Variants in HPCAL1 observed in about 807,000 individuals in gnomAD.
HPCAL1 encodes hippocalcin-like protein 1.
HPCAL1 carries 8 observed loss-of-function variants against 17.1 expected under a neutral mutation model. The observed-to-expected ratio is 0.47, with a 90% CI of 0.27 to 0.84. The LOEUF is 0.84. Ranked by LOEUF, HPCAL1 falls within the 40% of genes least tolerant of loss-of-function variation. HPCAL1 has a pLI of 0.13. For missense variants in HPCAL1, 165 were observed against 271.1 expected (o/e 0.61, Z 2.75); for synonymous variants, 112 against 111.4 (o/e 1.01, Z -0.03).
intron 1 of HPCAL1, among the ~76,000 whole-genome samples, chr2:10,368,043 GTTCCAAAGCT>G (rs1034296827): frequency 2.0e-5 from 3 of 151,968 alleles, no homozygotes; most frequent in Admixed American, 2.0e-4. Flanking sequence ...GGTGACCTCA[GTTCCAAAGCT>G]TTCCATGTGT....
chr2:10,421,371 C>T (rs1671053612), intron 3 of HPCAL1, among the ~76,000 whole-genome samples: 1 of 152,168 alleles, frequency 6.6e-6, no homozygotes, highest in African/African-American at 2.4e-5. Context: ...GCAGAGCTGC[C>T]CCTCCCTGGC....
chr2:10,327,459 A>G lies in HPCAL1; in HGVS notation c.-111+24282A>G, dbSNP rs574059003. Among the ~76,000 whole-genome samples, 10 of 152,320 alleles carry G rather than the reference A, an allele frequency of 6.6e-5. No homozygotes were observed. In the South Asian group the frequency reaches 2.1e-3, roughly 32 times the overall value. On this transcript the variant is annotated intron_variant, in intron 1 of 4. Transcript: ENST00000307845. ...TGGCCCTGTGAGCCCCAGGCAAGTC[A>G]GTTAACTTCTTGGAGCCTCAGTTTC...
rs1448538325 is a variant in HPCAL1 at position 10,323,556 on chromosome 2, C to T, written c.-111+20379C>T. On this transcript the variant is annotated intron_variant, in intron 1 of 4. Transcript: ENST00000307845. The surrounding 1 kb of genome is among the most constrained non-coding windows in gnomAD (Gnocchi z 4.6). ...TCAGCCCCAGATGAGGCTCCCCAAC[C>T]TGTACCCTTTACCCTGGAGCTGGCC... 6.6e-6 allele frequency among the ~76,000 whole-genome samples: 1 copy of T among 152,230 alleles called. No individual in the cohort carries two copies. The highest frequency in any genetic ancestry group is 1.5e-5 in the Non-Finnish European group (1 of 68,050).
At chr2:10,355,450 CAAAAAAAAAA>C (rs34600690) in intron 1 of HPCAL1, among the ~76,000 whole-genome samples, 12 of 32,204 alleles carry the variant, frequency 3.7e-4, no homozygotes, top group East Asian at 1.8e-3. Flanking sequence ...GACTCCGTCT[CAAAAAAAAAA>C]AAAAAAAAAA....
At chr2:10,360,776 G>A (rs1344815017) in intron 1 of HPCAL1, among the ~76,000 whole-genome samples, 1 of 151,956 alleles carries the variant, frequency 6.6e-6, no homozygotes, top group African/African-American at 2.4e-5. Context: ...CCATTTTCCT[G>A]GTGAGGCCTC....
intron 1 of HPCAL1, among the ~76,000 whole-genome samples, chr2:10,335,494 C>A (rs545629492): frequency 3.7e-4 from 56 of 152,310 alleles, no homozygotes; most frequent in African/African-American, 1.1e-3. Context: ...TCATGAGAGA[C>A]CTTGAGCCAG....
chr2:10,377,571 A>G lies in HPCAL1; in HGVS notation c.-110-19264A>G, dbSNP rs553815888. On this transcript the variant is annotated intron_variant, in intron 1 of 4. Coordinates refer to ENST00000307845, the MANE Select transcript of HPCAL1 (RefSeq NM_002149.4). The surrounding 1 kb of genome is among the most constrained non-coding windows in gnomAD (Gnocchi z 5.9). ...ACCCTCTGTCGGCAGGGCCCCTGCC[A>G]CCTCTGAAGCCCCCTGCCAGCTCTC... 4.6e-5 allele frequency among the ~76,000 whole-genome samples: 7 copies of G among 151,088 alleles called. No homozygotes were observed. The South Asian group carries it at 1.5e-3, about 32-fold the overall frequency.
chr2:10,409,703 T>C (rs1396360889), intron 2 of HPCAL1, among the ~76,000 whole-genome samples: 4 of 148,918 alleles, frequency 2.7e-5, no homozygotes, highest in African/African-American at 9.9e-5. Context: ...TCATCTCAAA[T>C]GGCCTGAGCC....
At chr2:10,402,057 G>C (rs903453144) in intron 2 of HPCAL1, among the ~76,000 whole-genome samples, 4 of 152,166 alleles carry the variant, frequency 2.6e-5, no homozygotes, top group Admixed American at 2.6e-4. Flanking sequence ...GCACCACCAC[G>C]CCCGGCTAAT....
chr2:10,402,096 C>T (rs1484573532), intron 2 of HPCAL1, among the ~76,000 whole-genome samples: 1 of 152,170 alleles, frequency 6.6e-6, no homozygotes, highest in Admixed American at 6.5e-5. Context: ...GACGGGGTTT[C>T]ACCATCTTGG....
At chr2:10,366,154 C>T (rs1223174427) in intron 1 of HPCAL1, among the ~76,000 whole-genome samples, 5 of 152,204 alleles carry the variant, frequency 3.3e-5, no homozygotes, top group South Asian at 2.1e-4. Flanking sequence ...AGCACAGCAC[C>T]GGGCACCAGG....
intron 2 of HPCAL1, among the ~76,000 whole-genome samples, chr2:10,403,304 C>G (rs1213277970): frequency 8.0e-5 from 12 of 149,468 alleles, no homozygotes; most frequent in Non-Finnish European, 1.8e-4. Flanking sequence ...TTAGAGCTAG[C>G]TCATACCTCA....
rs1028555616 is a variant in HPCAL1 at position 10,323,183 on chromosome 2, G to A, written c.-111+20006G>A. Among the ~76,000 whole-genome samples, 14 of 152,286 alleles carry A rather than the reference G, an allele frequency of 9.2e-5. No homozygotes were observed. Among genetic ancestry groups the A allele is most frequent in the Admixed American group, 3.3e-4 (5 of 15,296 alleles). Reference sequence around the variant, plus strand: ...CTGGCTCCCCCGGTTCCCCAGACGCGTTCCCCACGGAGTCCCAGCGTGTAT... The same window carrying A: ...CTGGCTCCCCCGGTTCCCCAGACGCATTCCCCACGGAGTCCCAGCGTGTAT... On this transcript the variant is annotated intron_variant, in intron 1 of 4. Coordinates refer to ENST00000307845, the MANE Select transcript of HPCAL1 (RefSeq NM_002149.4). The surrounding 1 kb of genome is among the most constrained non-coding windows in gnomAD (Gnocchi z 4.6).
At chr2:10,380,746 G>T (rs987631330) in intron 1 of HPCAL1, among the ~76,000 whole-genome samples, 46 of 152,252 alleles carry the variant, frequency 3.0e-4, no homozygotes, top group African/African-American at 1.0e-3. Context: ...TCCAGGTGGG[G>T]CTGGAGGCCC....
chr2:10,413,465 A>T lies in HPCAL1; in HGVS notation c.-24-6269A>T, dbSNP rs3755263. Among the ~76,000 whole-genome samples the T allele has an allele frequency of 2.0e-4, 31 of 152,278 alleles. No homozygotes were observed. In the East Asian group the frequency reaches 5.0e-3, roughly 25 times the overall value. On this transcript the variant is annotated intron_variant, in intron 2 of 4. Transcript: ENST00000307845. The stretch of plus-strand genomic sequence containing the variant: ...CCAACACAGACACCCACCTTGTGCC[A>T]GGCCCAGCTGGGTCACCTGGGAGAG...
chr2:10,309,650 G>A (rs1662831600), intron 1 of HPCAL1, among the ~76,000 whole-genome samples: 2 of 152,140 alleles, frequency 1.3e-5, no homozygotes, highest in Non-Finnish European at 2.9e-5. Context: ...TTCAAGCAAT[G>A]TGTGTGTGTA....
intron 2 of HPCAL1, among the ~76,000 whole-genome samples, chr2:10,410,132 G>C (rs1670257669): frequency 6.6e-6 from 1 of 152,118 alleles, no homozygotes; most frequent in African/African-American, 2.4e-5. Flanking sequence ...CCACCTCTCT[G>C]GTCGCCTTCC....
Position 10,330,998 on chromosome 2 carries a change from C to T in HPCAL1, c.-111+27821C>T, listed in dbSNP as rs978235857. On this transcript the variant is annotated intron_variant, in intron 1 of 4. Transcript: ENST00000307845. The surrounding 1 kb of genome is among the most constrained non-coding windows in gnomAD (Gnocchi z 4.2). ...GTTGCTTGTGCCTCCTTTGCAGCCC[C>T]GGCCTCTCCAGTTCTCTGTGTCTTG... 6.6e-6 allele frequency among the ~76,000 whole-genome samples: 1 copy of T among 152,148 alleles called. No homozygotes were observed. Among genetic ancestry groups the T allele is most frequent in the African/African-American group, 2.4e-5 (1 of 41,430 alleles).
At chr2:10,398,676 G>A (rs998580413) in intron 2 of HPCAL1, among the ~76,000 whole-genome samples, 15 of 151,976 alleles carry the variant, frequency 9.9e-5, no homozygotes, top group Admixed American at 3.3e-4. Flanking sequence ...CCCTCTGCCC[G>A]TCCCCTGCCC....
Sources: allele counts gnomAD v4.1 joint callset (sites outside exome capture counted in the v4.1 genomes callset), GRCh38; gene constraint gnomAD v4.1.1; non-coding constraint Gnocchi (gnomAD v3.1); transcripts MANE v1.5; gene names NCBI Gene and HGNC (gene_info 2026-07-23, HGNC 2026-07-21).